Variants in NALF1 observed in about 807,000 individuals in gnomAD.
NALF1 encodes the protein NALCN channel auxiliary factor 1, also known as family with sequence similarity 155 member A.
In NALF1, 3 loss-of-function variants were observed where a neutral mutation model predicts 48.4. That is an observed-to-expected ratio of 0.06 (90% CI 0.03 to 0.16). The LOEUF (loss-of-function observed/expected upper bound fraction) is 0.16, where lower values mean the gene tolerates loss of function less well. NALF1 is among the 10% of genes least tolerant of loss of function. The pLI is 1.00. For missense variants in NALF1, 526 were observed against 571.5 expected, an observed-to-expected ratio of 0.92 and a Z score of 0.81; for synonymous variants, 262 against 245.7, an observed-to-expected ratio of 1.07 and a Z score of -0.62.
chr13:107,514,945 T>C (rs1156460811), intron 1 of NALF1, among the ~76,000 whole-genome samples: 1 of 152,202 alleles, frequency 6.6e-6, no homozygotes, highest in African/African-American at 2.4e-5. Flanking sequence ...GTATTTATCC[T>C]ACAATTCCTA....
chr13:107,817,987 C>T lies in NALF1; in HGVS notation c.915+47695G>A, dbSNP rs71435247. On this transcript the variant is annotated intron_variant, in intron 1 of 2. Coordinates refer to ENST00000375915, the MANE Select transcript of NALF1 (RefSeq NM_001080396.3). ...GCAAAGGAATAAGGCAAGCTCTTTG[C>T]TTTCAAGGGGATATTTGTTGGTAGA... Among the ~76,000 whole-genome samples, 1,191 of 152,296 alleles carry T rather than the reference C, an allele frequency of 7.8e-3. 14 individuals are homozygous for T. Among genetic ancestry groups the T allele is most frequent in the Middle Eastern group, 0.024 (7 of 294 alleles).
At chr13:107,485,174 C>A (rs1266595118) in intron 1 of NALF1, among the ~76,000 whole-genome samples, 1 of 152,118 alleles carries the variant, frequency 6.6e-6, no homozygotes, top group Non-Finnish European at 1.5e-5. Flanking sequence ...ATGAAGGCTC[C>A]AGAGCTGCTG....
At chr13:107,702,509 A>C (rs1028353317) in intron 1 of NALF1, among the ~76,000 whole-genome samples, 8 of 133,624 alleles carry the variant, frequency 6.0e-5, no homozygotes, top group South Asian at 2.3e-4. Flanking sequence ...ATTGTTTAAG[A>C]AGTTTTGTAG....
At chr13:107,559,213 T>C (rs1877570358) in intron 1 of NALF1, among the ~76,000 whole-genome samples, 1 of 152,080 alleles carries the variant, frequency 6.6e-6, no homozygotes, top group Non-Finnish European at 1.5e-5. Flanking sequence ...GAAGGGGTAG[T>C]AGAGAAAACT....
chr13:107,807,974 T>C (rs1313192888), intron 1 of NALF1, among the ~76,000 whole-genome samples: 3 of 152,032 alleles, frequency 2.0e-5, no homozygotes, highest in Non-Finnish European at 4.4e-5. Context: ...TATTTGGAAA[T>C]AGGCATTGCA....
At position 107,178,961 on chromosome 13, in the gene NALF1, A is replaced by C. The variant is rs546062318; in HGVS notation, c.1088-8175T>G. Among the ~76,000 whole-genome samples, 86 of 152,088 alleles carry C rather than the reference A, an allele frequency of 5.7e-4. 2 individuals are homozygous for C. The South Asian group carries it at 0.016, about 28-fold the overall frequency. Reference sequence around the variant, plus strand: ...CTCTGTCTCAAAAAACAAACAAAAAAAAAAAACAAAAAATAGAGCTACCAT... The same window carrying C: ...CTCTGTCTCAAAAAACAAACAAAAACAAAAAACAAAAAATAGAGCTACCAT... On this transcript the variant is annotated intron_variant, in intron 2 of 2. Coordinates refer to ENST00000375915, the MANE Select transcript of NALF1 (RefSeq NM_001080396.3).
chr13:107,310,831 C>A (rs1462893656), intron 1 of NALF1, among the ~76,000 whole-genome samples: 1 of 152,030 alleles, frequency 6.6e-6, no homozygotes, highest in African/African-American at 2.4e-5. Flanking sequence ...GCACCCACCA[C>A]CACACCTGGC....
At chr13:107,433,595 AAG>A (rs900409502) in intron 1 of NALF1, among the ~76,000 whole-genome samples, 36 of 152,250 alleles carry the variant, frequency 2.4e-4, no homozygotes, top group African/African-American at 8.2e-4. Flanking sequence ...ATAATAAAAA[AAG>A]AAAGATAATA....
At chr13:107,543,522 T>C (rs1352706480) in intron 1 of NALF1, among the ~76,000 whole-genome samples, 1 of 152,084 alleles carries the variant, frequency 6.6e-6, no homozygotes, top group Non-Finnish European at 1.5e-5. Flanking sequence ...TATACACATA[T>C]GCTCCTTGAC....
At chr13:107,604,332 T>G (rs937577842) in intron 1 of NALF1, among the ~76,000 whole-genome samples, 5 of 152,190 alleles carry the variant, frequency 3.3e-5, no homozygotes, top group African/African-American at 1.2e-4. Context: ...TAAATCTACA[T>G]TTAGAATTCA....
At chr13:107,344,890 A>C (rs987214305) in intron 1 of NALF1, among the ~76,000 whole-genome samples, 3 of 152,162 alleles carry the variant, frequency 2.0e-5, no homozygotes, top group African/African-American at 7.2e-5. Flanking sequence ...AAGTAAAATT[A>C]TCTCTTTTCA....
intron 1 of NALF1, among the ~76,000 whole-genome samples, chr13:107,683,474 T>C (rs1253504651): frequency 6.6e-6 from 1 of 152,234 alleles, no homozygotes; most frequent in East Asian, 1.9e-4. Flanking sequence ...ATTTTAATTC[T>C]GTGATTAGAA....
At chr13:107,326,678 G>C (rs1882371471) in intron 1 of NALF1, among the ~76,000 whole-genome samples, 1 of 152,212 alleles carries the variant, frequency 6.6e-6, no homozygotes, top group Non-Finnish European at 1.5e-5. Context: ...TTTGTGAATT[G>C]TCTACAGAAT....
At position 107,422,069 on chromosome 13, in the gene NALF1, G is replaced by A. The variant is rs138752409; in HGVS notation, c.916-211314C>T. Among the ~76,000 whole-genome samples the A allele has an allele frequency of 2.7e-3, 413 of 152,168 alleles. 3 individuals are homozygous for A. Among genetic ancestry groups the A allele is most frequent in the African/African-American group, 9.5e-3 (396 of 41,528 alleles). On this transcript the variant is annotated intron_variant, in intron 1 of 2. Coordinates refer to ENST00000375915, the MANE Select transcript of NALF1 (RefSeq NM_001080396.3). Reference sequence around the variant, plus strand: ...ACCCTTACCCATAAGATGTATTCCAGGTACTTTATAGATCACTCCTTGGGG... The same window carrying A: ...ACCCTTACCCATAAGATGTATTCCAAGTACTTTATAGATCACTCCTTGGGG...
At chr13:107,479,877 CT>C (rs202011449) in intron 1 of NALF1, among the ~76,000 whole-genome samples, 3 of 151,698 alleles carry the variant, frequency 2.0e-5, no homozygotes, top group African/African-American at 7.3e-5. Flanking sequence ...GAAGAAATGG[CT>C]TTTTTTTGAA....
At chr13:107,349,208 G>A (rs564476670) in intron 1 of NALF1, among the ~76,000 whole-genome samples, 1 of 152,096 alleles carries the variant, frequency 6.6e-6, no homozygotes, top group African/African-American at 2.4e-5. Flanking sequence ...GAGAAAAATC[G>A]CTTCTTTCTT....
At chr13:107,468,065 A>G (rs1885038013) in intron 1 of NALF1, among the ~76,000 whole-genome samples, 1 of 151,850 alleles carries the variant, frequency 6.6e-6, no homozygotes, top group South Asian at 2.1e-4. Flanking sequence ...AAAAAAAAAA[A>G]AGTATTAAAA....
intron 1 of NALF1, among the ~76,000 whole-genome samples, chr13:107,404,890 C>T (rs538711510): frequency 1.3e-3 from 196 of 152,142 alleles, no homozygotes; most frequent in African/African-American, 4.5e-3. Context: ...GTGTCCACTG[C>T]GTGACAGTCA....
chr13:107,819,931 C>G (rs1011471434), intron 1 of NALF1, among the ~76,000 whole-genome samples: 3 of 152,154 alleles, frequency 2.0e-5, no homozygotes, highest in African/African-American at 7.2e-5. Context: ...TAAATTGGGT[C>G]TGGCATATTA....
Sources: allele counts gnomAD v4.1 joint callset (sites outside exome capture counted in the v4.1 genomes callset), GRCh38; gene constraint gnomAD v4.1.1; transcripts MANE v1.5; gene names NCBI Gene and HGNC (gene_info 2026-07-23, HGNC 2026-07-21).